Variants in DOCK2 observed in about 807,000 individuals in gnomAD.
DOCK2 encodes dedicator of cytokinesis 2, also known as dedicator of cytokinesis protein 2.
A neutral mutation model predicts 248.9 loss-of-function variants in DOCK2; 87 were observed. The observed-to-expected ratio is 0.35, with a 90% CI of 0.29 to 0.42. The LOEUF is 0.42. DOCK2 is among the 10% of genes least tolerant of loss of function. DOCK2 has a pLI of 1.00. For synonymous variants in DOCK2, 805 were observed against 821.6 expected (o/e 0.98, Z 0.35); for missense variants, 1,747 against 2,300.2 (o/e 0.76, Z 4.92).
intron 27 of DOCK2, among the ~76,000 whole-genome samples, chr5:169,982,141 A>G (rs1416656103): frequency 6.7e-6 from 1 of 150,212 alleles, no homozygotes; most frequent in Admixed American, 6.7e-5. Context: ...GCTTGGCTGG[A>G]CCACAGTAGA....
chr5:169,758,753 C>A (rs1376270993), intron 23 of DOCK2, among the ~76,000 whole-genome samples: 1 of 152,164 alleles, frequency 6.6e-6, no homozygotes, highest in Non-Finnish European at 1.5e-5. Context: ...TTTGGTACAG[C>A]TTCTGCCCTG....
chr5:170,067,667 G>A lies in DOCK2; in HGVS notation c.4625G>A (p.Gly1542Asp). ...ATTGTGGACCCTGCTGTCATGGGAG[G>A]CTTCGCCAAGTATGAGAAGGTGAGG... is the stretch of plus-strand genomic sequence containing the variant. ...NGIVDPAVMG[G>D]FAKYEKAFFT... The change falls in exon 45 of 52, where the codon GGC (glycine) becomes GAC (aspartate). Residue 1542 changes from glycine (G) to aspartate (D), a missense_variant. By Grantham distance (94) the Gly-to-Asp change is moderately conservative. Coordinates refer to ENST00000520908, the MANE Select transcript of DOCK2 (RefSeq NM_004946.3). 6.2e-7 allele frequency: 1 copy of A among 1,614,106 alleles called. No individual in the cohort carries two copies.
intron 1 of DOCK2, among the ~76,000 whole-genome samples, chr5:169,642,973 T>C (rs1757230502): frequency 1.3e-5 from 2 of 151,986 alleles, no homozygotes; most frequent in Non-Finnish European, 2.9e-5. Context: ...CAATTACACA[T>C]GGGTGCCACA....
At chr5:170,016,324 CT>C (rs558088653) in intron 32 of DOCK2, among the ~76,000 whole-genome samples, 2 of 152,186 alleles carry the variant, frequency 1.3e-5, no homozygotes, top group Admixed American at 6.5e-5. Context: ...TGCATGAGCA[CT>C]TTTTTTCCCA....
intron 27 of DOCK2, among the ~76,000 whole-genome samples, chr5:169,907,130 C>T (rs1199318229): frequency 1.3e-5 from 2 of 152,006 alleles, no homozygotes; most frequent in African/African-American, 2.4e-5. Flanking sequence ...AAGATATGGC[C>T]GGGGATGCAT....
intron 25 of DOCK2, among the ~76,000 whole-genome samples, chr5:169,791,576 C>T (rs1766338701): frequency 6.6e-6 from 1 of 152,202 alleles, no homozygotes; most frequent in African/African-American, 2.4e-5. Flanking sequence ...CAGAGGGTGG[C>T]TGCCTCAAGC....
intron 37 of DOCK2, 48 bp from the exon 38 acceptor site, chr5:170,041,965 T>C (rs1318389605): frequency 6.2e-7 from 1 of 1,601,126 alleles, no homozygotes; most frequent in Admixed American, 1.7e-5. Context: ...ACACCTGCTC[T>C]TGGCAGCCTC....
At chr5:170,011,044 C>T (rs1035795277) in intron 32 of DOCK2, among the ~76,000 whole-genome samples, 5 of 152,280 alleles carry the variant, frequency 3.3e-5, no homozygotes, top group Middle Eastern at 6.8e-3. Context: ...TGGAAGGGCC[C>T]TTCAAAGATC....
chr5:170,045,276 G>C (rs1277217481), intron 38 of DOCK2, among the ~76,000 whole-genome samples: 1 of 152,090 alleles, frequency 6.6e-6, no homozygotes, highest in African/African-American at 2.4e-5. Flanking sequence ...CTCTGACCTT[G>C]AGCCACCTTG....
intron 14 of DOCK2, among the ~76,000 whole-genome samples, chr5:169,706,600 A>T (rs1352346537): frequency 2.6e-5 from 4 of 152,198 alleles, no homozygotes; most frequent in Non-Finnish European, 4.4e-5. Flanking sequence ...AGACTTTGGA[A>T]GCATGTTTTT....
intron 38 of DOCK2, among the ~76,000 whole-genome samples, chr5:170,044,833 A>G (rs1756644213): frequency 6.6e-6 from 1 of 151,980 alleles, no homozygotes; most frequent in South Asian, 2.1e-4. Flanking sequence ...TACCTCCCCC[A>G]GCTTCTCCAT....
intron 27 of DOCK2, among the ~76,000 whole-genome samples, chr5:169,956,837 A>G (rs966048125): frequency 2.0e-5 from 3 of 152,150 alleles, no homozygotes; most frequent in Non-Finnish European, 4.4e-5. Context: ...TTCCTTTCAG[A>G]CCTATGGGTC....
chr5:169,896,119 G>A (rs1773589523), intron 27 of DOCK2, among the ~76,000 whole-genome samples: 1 of 152,146 alleles, frequency 6.6e-6, no homozygotes, highest in South Asian at 2.1e-4. Flanking sequence ...GGGATTGGAA[G>A]GAGCTCCCAG....
chr5:169,638,758 A>G (rs1165581373), intron 1 of DOCK2, among the ~76,000 whole-genome samples: 1 of 152,146 alleles, frequency 6.6e-6, no homozygotes, highest in Non-Finnish European at 1.5e-5. Context: ...AGGTCATGCA[A>G]TCTCTGTCTG....
At position 170,020,448 on chromosome 5, in the gene DOCK2, A is replaced by C. The variant is rs140792271; in HGVS notation, c.3381+1340A>C. 1.5e-4 allele frequency among the ~76,000 whole-genome samples: 22 copies of C among 149,112 alleles called. No homozygotes were observed. The East Asian group carries it at 4.1e-3, about 27-fold the overall frequency. Reference sequence around the variant, plus strand: ...TTTTCATCTTCCTCATCTGCATCTAATGATGATGATGATGATGATTATAAT... The same window carrying C: ...TTTTCATCTTCCTCATCTGCATCTACTGATGATGATGATGATGATTATAAT... On this transcript the variant is annotated intron_variant, in intron 33 of 51. Transcript: ENST00000520908.
At chr5:169,643,729 G>GGCCCCTT (rs1031113727) in intron 1 of DOCK2, among the ~76,000 whole-genome samples, 16 of 152,132 alleles carry the variant, frequency 1.1e-4, no homozygotes, top group African/African-American at 3.9e-4. Context: ...GACTGCACAC[G>GGCCCCTT]GCCCCTTGGA....
intron 27 of DOCK2, among the ~76,000 whole-genome samples, chr5:169,964,406 T>C (rs182378962): frequency 2.8e-4 from 42 of 152,294 alleles, no homozygotes; most frequent in African/African-American, 1.0e-3. Context: ...CAGAATGTAT[T>C]TGCAAGTAAA....
intron 26 of DOCK2, 55 bp from the exon 27 acceptor site, chr5:169,840,702 A>G (rs964677335): frequency 2.1e-5 from 33 of 1,547,876 alleles, no homozygotes; most frequent in Non-Finnish European, 2.6e-5. Context: ...CCTTTGTACA[A>G]TTGTTCAGAT....
chr5:169,913,759 T>C (rs534652510), intron 27 of DOCK2, among the ~76,000 whole-genome samples: 2 of 152,154 alleles, frequency 1.3e-5, no homozygotes, highest in Admixed American at 6.5e-5. Context: ...AGTGATCTAA[T>C]TGGTCTAACC....
Sources: gnomAD v4.1 joint callset for allele counts (sites outside exome capture counted in the v4.1 genomes callset) on GRCh38, gnomAD v4.1.1 for gene constraint, MANE v1.5 for transcripts, NCBI Gene and HGNC (gene_info 2026-07-23, HGNC 2026-07-21) for gene names.